The following KCNN2 variants were observed in gnomAD, a reference collection of about 807,000 sequenced individuals.
KCNN2 encodes the protein small conductance calcium-activated potassium channel protein 2.
Under a neutral mutation model 55.5 loss-of-function variants are expected in KCNN2, and 24 were observed. The observed-to-expected ratio is 0.43, with a 90% CI of 0.31 to 0.61. KCNN2 has a LOEUF of 0.61. Ranked by LOEUF, KCNN2 falls within the 20% of genes least tolerant of loss-of-function variation. The probability of loss-of-function intolerance (pLI) is 0.08; values close to 1 mark genes in which losing one functional copy is unlikely to be tolerated. For missense variants in KCNN2, 754 were observed against 853.6 expected (o/e 0.88, Z 1.45); for synonymous variants, 431 against 336.1 (o/e 1.28, Z -3.09).
intron 2 of KCNN2, among the ~76,000 whole-genome samples, chr5:114,403,589 T>C (rs1758849415): frequency 6.6e-6 from 1 of 152,176 alleles, no homozygotes; most frequent in Admixed American, 6.5e-5. Context: ...TCCAAATGCT[T>C]CTGGTTGTCT....
chr5:114,194,298 T>C (rs754818170), intron 1 of KCNN2, among the ~76,000 whole-genome samples: 4 of 152,098 alleles, frequency 2.6e-5, no homozygotes, highest in Non-Finnish European at 2.9e-5. Context: ...AATGAATGCA[T>C]CATTTTACAT....
intron 2 of KCNN2, among the ~76,000 whole-genome samples, chr5:114,237,270 ACACACACACACACACACACACT>A (rs1754518741): frequency 6.6e-6 from 1 of 151,050 alleles, no homozygotes; most frequent in African/African-American, 2.4e-5. Context: ...ACACACACAC[ACACACACACACACACACACACT>A]CACACACACA....
chr5:114,359,409 G>C (rs1757362326), upstream of KCNN2, among the ~76,000 whole-genome samples: 1 of 152,118 alleles, frequency 6.6e-6, no homozygotes, highest in Non-Finnish European at 1.5e-5. Context: ...ATGATTAATA[G>C]CACTGCAACT....
intron 1 of KCNN2, among the ~76,000 whole-genome samples, chr5:114,140,233 A>T (rs1011450836): frequency 1.3e-5 from 2 of 152,216 alleles, no homozygotes; most frequent in Non-Finnish European, 2.9e-5. Context: ...AGAGATCTTG[A>T]TATTAATATC....
chr5:114,190,422 G>C (rs1445912119), intron 1 of KCNN2, among the ~76,000 whole-genome samples: 1 of 152,104 alleles, frequency 6.6e-6, no homozygotes, highest in Non-Finnish European at 1.5e-5. Flanking sequence ...ACTCAGCGTA[G>C]ATATAGCCCC....
intron 1 of KCNN2, among the ~76,000 whole-genome samples, chr5:114,101,652 T>A (rs148141261): frequency 2.6e-4 from 39 of 152,138 alleles, no homozygotes; most frequent in African/African-American, 9.2e-4. Context: ...GTCTCATTGT[T>A]CAACCCCCAC....
chr5:114,445,132 A>G (rs1419048746), intron 3 of KCNN2, among the ~76,000 whole-genome samples: 1 of 152,178 alleles, frequency 6.6e-6, no homozygotes, highest in African/African-American at 2.4e-5. Flanking sequence ...TGTGGGGTGC[A>G]AAGAGAAAAA....
intron 6 of KCNN2, chr5:114,490,831 T>C (rs1220735226): frequency 7.6e-6 from 3 of 397,084 alleles, no homozygotes; most frequent in African/African-American, 4.1e-5. Context: ...AATCATGATA[T>C]TTTCCTGTGA....
At chr5:114,153,738 A>T (rs1398326350) in intron 1 of KCNN2, among the ~76,000 whole-genome samples, 1 of 152,224 alleles carries the variant, frequency 6.6e-6, no homozygotes, top group Admixed American at 6.5e-5. Flanking sequence ...CCCTGAAAAG[A>T]TGGAAAAAAG....
intron 1 of KCNN2, among the ~76,000 whole-genome samples, chr5:114,155,679 TC>T (rs1161074532): frequency 4.7e-4 from 72 of 152,288 alleles, no homozygotes; most frequent in African/African-American, 1.7e-3. Context: ...CACATGTATA[TC>T]TTCTTTTCAA....
chr5:114,088,201 T>C (rs1380846494), intron 1 of KCNN2, among the ~76,000 whole-genome samples: 3 of 152,166 alleles, frequency 2.0e-5, no homozygotes, highest in East Asian at 1.9e-4. Context: ...ACATTTATTG[T>C]TTTATGGCTG....
Position 114,483,124 on chromosome 5 carries a change from T to C in KCNN2, c.1891-3926T>C, listed in dbSNP as rs141783168. On this transcript the variant is annotated intron_variant, in intron 5 of 7. Transcript: ENST00000673685. ...TACTATTATACTTAAAAATATTTTG[T>C]ATCTTACTACCCATGGTTTTATTAT... Among the ~76,000 whole-genome samples, 1,007 of 152,250 alleles carry C rather than the reference T, an allele frequency of 6.6e-3. 10 individuals carry two copies. Among genetic ancestry groups the C allele is most frequent in the Middle Eastern group, 0.02 (6 of 294 alleles).
chr5:114,067,104 A>G (rs1454198114), intron 1 of KCNN2, among the ~76,000 whole-genome samples: 1 of 152,224 alleles, frequency 6.6e-6, no homozygotes, highest in Non-Finnish European at 1.5e-5. Flanking sequence ...AAATGTGCTA[A>G]ATGAAGATGG....
At chr5:114,418,695 T>C (rs1759380067) in intron 3 of KCNN2, among the ~76,000 whole-genome samples, 2 of 152,142 alleles carry the variant, frequency 1.3e-5, no homozygotes, top group African/African-American at 2.4e-5. Context: ...ATTTCAACTT[T>C]CCTTTCATGA....
chr5:114,095,016 A>T (rs1038226938), intron 1 of KCNN2, among the ~76,000 whole-genome samples: 2 of 152,102 alleles, frequency 1.3e-5, no homozygotes, highest in Admixed American at 6.6e-5. Flanking sequence ...GTCTTATTTT[A>T]TATGCAATAT....
At chr5:114,240,383 A>G (rs1754592760) in intron 2 of KCNN2, among the ~76,000 whole-genome samples, 1 of 151,292 alleles carries the variant, frequency 6.6e-6, no homozygotes, top group South Asian at 2.1e-4. Flanking sequence ...TCTACTGTTA[A>G]TATTATATTT....
intron 2 of KCNN2, among the ~76,000 whole-genome samples, chr5:114,287,447 AG>A (rs1755776903): frequency 6.6e-6 from 1 of 152,204 alleles, no homozygotes. Flanking sequence ...TGTCCTTTGC[AG>A]GGACATGGAT....
intron 1 of KCNN2, among the ~76,000 whole-genome samples, chr5:114,185,079 T>C (rs1278567954): frequency 1.3e-5 from 2 of 152,212 alleles, no homozygotes; most frequent in African/African-American, 4.8e-5. Context: ...TGTTGATGAA[T>C]AGTGGAGCTT....
chr5:114,100,982 T>C (rs1258432670), intron 1 of KCNN2, among the ~76,000 whole-genome samples: 1 of 149,092 alleles, frequency 6.7e-6, no homozygotes, highest in Non-Finnish European at 1.5e-5. Flanking sequence ...ATTTATATAA[T>C]ATCCTTATTT....
Sources: allele counts gnomAD v4.1 joint callset (sites outside exome capture counted in the v4.1 genomes callset), GRCh38; gene constraint gnomAD v4.1.1; transcripts MANE v1.5; gene names NCBI Gene and HGNC (gene_info 2026-07-23, HGNC 2026-07-21).